ATP6V1B2: variants seen among roughly 807,000 people sequenced by gnomAD.
The protein encoded by ATP6V1B2 is ATPase H+ transporting V1 subunit B2, also known as V-type proton ATPase subunit B, brain isoform.
In ATP6V1B2, 23 loss-of-function variants were observed where a neutral mutation model predicts 66.7. The observed-to-expected ratio is 0.34, with a 90% confidence interval of 0.25 to 0.49. ATP6V1B2 has a LOEUF of 0.49. ATP6V1B2 is among the 20% of genes least tolerant of loss of function. ATP6V1B2 has a pLI of 0.99. For synonymous variants in ATP6V1B2, 278 were observed against 236.7 expected (o/e 1.17, Z -1.60); for missense variants, 478 against 650.8 (o/e 0.73, Z 2.89).
intron 1 of ATP6V1B2, among the ~76,000 whole-genome samples, chr8:20,198,254 C>T (rs961699840): frequency 6.6e-6 from 1 of 152,190 alleles, no homozygotes; most frequent in Non-Finnish European, 1.5e-5. Flanking sequence ...GACTAAAAAT[C>T]CAGGTTCTTA....
At chr8:20,220,184 T>A in intron 13 of ATP6V1B2, 79 bp from the exon 14 acceptor site, 2 of 1,482,794 alleles carry the variant, frequency 1.3e-6, no homozygotes, top group Non-Finnish European at 1.8e-6. Flanking sequence ...ACACTGCTAG[T>A]CATATAACAA....
At chr8:20,215,725 G>T (rs2072847982) in intron 10 of ATP6V1B2, 1 of 152,134 alleles carries the variant, frequency 6.6e-6, no homozygotes, top group Admixed American at 6.6e-5. Context: ...CTGTTACTCT[G>T]TACTGCCTCT....
At chr8:20,201,367 T>A (rs2128884540) in intron 1 of ATP6V1B2, among the ~76,000 whole-genome samples, 1 of 152,330 alleles carries the variant, frequency 6.6e-6, no homozygotes, top group East Asian at 1.9e-4. Context: ...TTTAAACTGG[T>A]ATCTCTGTTT....
chr8:20,203,722 G>C (rs1311436046), intron 1 of ATP6V1B2, among the ~76,000 whole-genome samples: 1 of 152,172 alleles, frequency 6.6e-6, no homozygotes, highest in Non-Finnish European at 1.5e-5. Context: ...AGGTGTGATA[G>C]GTGAGGGCTT....
At chr8:20,211,138 G>A (rs761544406) in intron 5 of ATP6V1B2, 39 bp from the exon 6 acceptor site, 10 of 1,586,626 alleles carry the variant, frequency 6.3e-6, no homozygotes, top group African/African-American at 2.7e-5. Context: ...TGAATAATGC[G>A]GCAACTTGTT....
Position 20,210,406 on chromosome 8 carries a change from A to G in ATP6V1B2, c.352A>G (p.Ile118Val), listed in dbSNP as rs946735150. ...KKTSCEFTGD[I>V]LRTPVSEDML... ...AACGTCCTGTGAGTTTACTGGGGATATTCTCCGAACACCGGTGTCTGAGGA... is the reference window on the plus strand; with the variant it reads ...AACGTCCTGTGAGTTTACTGGGGATGTTCTCCGAACACCGGTGTCTGAGGA... Residue 118 changes from isoleucine (I) to valine (V), a missense_variant, in exon 4 of 14, where the codon ATT becomes GTT. Transcript: ENST00000276390. The G allele has an allele frequency of 1.9e-6, 3 of 1,613,572 alleles. No individual in the cohort carries two copies. Among genetic ancestry groups the G allele is most frequent in the African/African-American group, 2.7e-5 (2 of 74,926 alleles).
intron 2 of ATP6V1B2, among the ~76,000 whole-genome samples, chr8:20,204,961 A>C (rs1006422003): frequency 2.2e-4 from 33 of 152,110 alleles, no homozygotes; most frequent in Non-Finnish European, 5.9e-5. Flanking sequence ...CTTTATCACT[A>C]AGGTAATATC....
intron 5 of ATP6V1B2, 114 bp downstream of exon 5, chr8:20,210,760 C>T (rs551562789): frequency 5.6e-5 from 39 of 697,724 alleles, no homozygotes; most frequent in Non-Finnish European, 8.3e-5. Context: ...ATAGGCAACA[C>T]GCTCCATAGG....
chr8:20,219,686 A>G (rs1227116801), intron 13 of ATP6V1B2, among the ~76,000 whole-genome samples: 2 of 152,168 alleles, frequency 1.3e-5, no homozygotes, highest in African/African-American at 4.8e-5. Context: ...CCTCTAGAGA[A>G]AAGAACCCAG....
chr8:20,197,600 C>T (rs1037560900), intron 1 of ATP6V1B2, 58 bp downstream of exon 1: 15 of 1,313,600 alleles, frequency 1.1e-5, no homozygotes, highest in Non-Finnish European at 1.3e-5. Flanking sequence ...GCCCTTTGCT[C>T]CCAGTCACCT....
chr8:20,215,124 C>A, intron 10 of ATP6V1B2, 156 bp downstream of exon 10: 1 of 872,796 alleles, frequency 1.1e-6, no homozygotes, highest in Non-Finnish European at 1.6e-6. Context: ...TGAAAATTAC[C>A]CACAGTTATT....
In ATP6V1B2 at chr8:20,217,333, A is replaced by G. The variant is rs1030495603; in HGVS notation, c.1266+9A>G. 6.3e-7 allele frequency: 1 copy of G among 1,594,030 alleles called. No individual in the cohort carries two copies. The highest frequency in any genetic ancestry group is 8.6e-7 in the Non-Finnish European group (1 of 1,161,914). On this transcript the variant is annotated intron_variant, in intron 12 of 13. Transcript: ENST00000276390. Reference sequence around the variant, plus strand: ...ATGTATCTAACCAGCTAGTATGTACATTCTTCTAAGAATGGTGTTTGAAAA... The same window carrying G: ...ATGTATCTAACCAGCTAGTATGTACGTTCTTCTAAGAATGGTGTTTGAAAA...
chr8:20,214,742 A>G (rs1452058229), intron 9 of ATP6V1B2, 76 bp from the exon 10 acceptor site: 2 of 1,434,884 alleles, frequency 1.4e-6, no homozygotes, highest in African/African-American at 2.9e-5. Flanking sequence ...GTACTTTGGC[A>G]TGTTGAAACA....
Position 20,204,546 on chromosome 8 carries a change from C to A in ATP6V1B2, c.192+7C>A. 6.2e-7 allele frequency: 1 copy of A among 1,606,352 alleles called. No homozygotes were observed. The highest frequency in any genetic ancestry group is 8.5e-7 in the Non-Finnish European group (1 of 1,173,386). ...GATCTTAGATCATGTTAAGGTAATA[C>A]CACTATCTGTTTTGGTCTATTTATG... is the stretch of plus-strand genomic sequence containing the variant. On this transcript the variant is annotated splice_region_variant and intron_variant, in intron 2 of 13. Coordinates refer to ENST00000276390, the MANE Select transcript of ATP6V1B2 (RefSeq NM_001693.4).
intron 2 of ATP6V1B2, among the ~76,000 whole-genome samples, chr8:20,208,219 A>T (rs1234307318): frequency 1.3e-5 from 2 of 152,206 alleles, no homozygotes; most frequent in African/African-American, 4.8e-5. Context: ...GGAGCCCCAT[A>T]CAAGAATGCT....
At chr8:20,216,322 A>T in intron 10 of ATP6V1B2, 91 bp from the exon 11 acceptor site, 1 of 1,084,768 alleles carries the variant, frequency 9.2e-7, no homozygotes, top group African/African-American at 1.5e-5. Flanking sequence ...GTACAGAGGG[A>T]CTTTTTGTGG....
At chr8:20,212,622 C>T (rs149205532) in intron 8 of ATP6V1B2, among the ~76,000 whole-genome samples, 160 bp from the exon 9 acceptor site, 1 of 152,128 alleles carries the variant, frequency 6.6e-6, no homozygotes, top group Admixed American at 6.6e-5. Flanking sequence ...ACTGTTAATA[C>T]CTTACTTAAG....
intron 5 of ATP6V1B2, 97 bp from the exon 6 acceptor site, chr8:20,211,080 G>C (rs1346869835): frequency 2.0e-6 from 3 of 1,476,224 alleles, no homozygotes; most frequent in Non-Finnish European, 2.7e-6. Flanking sequence ...CTGGTCTTCT[G>C]GTGCTTTTTC....
Position 20,216,505 on chromosome 8 carries a change from G to C in ATP6V1B2, c.1161+10G>C. 1 of 1,610,678 alleles carries C rather than the reference G, an allele frequency of 6.2e-7. No individual in the cohort carries two copies. Among genetic ancestry groups the C allele is most frequent in the Non-Finnish European group, 8.5e-7 (1 of 1,177,388 alleles). On this transcript the variant is annotated intron_variant, in intron 11 of 13. Coordinates refer to ENST00000276390, the MANE Select transcript of ATP6V1B2 (RefSeq NM_001693.4). ...GCTGCACAACAGACAGGTACTGGAC[G>C]GGAGCAGTGCTGGGAAGCTTGCAGA...
Sources: allele counts gnomAD v4.1 joint callset (sites outside exome capture counted in the v4.1 genomes callset), GRCh38; gene constraint gnomAD v4.1.1; transcripts MANE v1.5; gene names NCBI Gene and HGNC (gene_info 2026-07-23, HGNC 2026-07-21).